ST6GALNAC3: variants seen among roughly 807,000 people sequenced by gnomAD.
ST6GALNAC3 encodes alpha-N-acetylgalactosaminide alpha-2,6-sialyltransferase 3.
In ST6GALNAC3, 25 loss-of-function variants were observed where a neutral mutation model predicts 32.7. That is an observed-to-expected ratio of 0.76 (90% confidence interval 0.56 to 1.07). The LOEUF (loss-of-function observed/expected upper bound fraction) is 1.07, where lower values mean the gene tolerates loss of function less well. Ranked by LOEUF, ST6GALNAC3 falls within the 50% of genes least tolerant of loss-of-function variation. ST6GALNAC3 has a pLI of 0.00. For missense variants in ST6GALNAC3, 355 were observed against 382.4 expected (o/e 0.93, Z 0.60); for synonymous variants, 129 against 133.1 (o/e 0.97, Z 0.21).
At chr1:76,424,175 A>G (rs1429876319) in intron 3 of ST6GALNAC3, among the ~76,000 whole-genome samples, 1 of 151,846 alleles carries the variant, frequency 6.6e-6, no homozygotes, top group Non-Finnish European at 1.5e-5. Flanking sequence ...CATTGAGCAA[A>G]TTTCACTTTT....
intron 1 of ST6GALNAC3, among the ~76,000 whole-genome samples, chr1:76,105,660 A>G (rs1229644485): frequency 6.6e-6 from 1 of 152,184 alleles, no homozygotes; most frequent in South Asian, 2.1e-4. Flanking sequence ...TTTCATTACA[A>G]GTGTGATGAT....
intron 1 of ST6GALNAC3, among the ~76,000 whole-genome samples, chr1:76,224,600 A>G (rs1475575474): frequency 6.6e-6 from 1 of 152,232 alleles, no homozygotes; most frequent in Non-Finnish European, 1.5e-5. Flanking sequence ...AACACAGAGT[A>G]TAACAAATAC....
intron 2 of ST6GALNAC3, among the ~76,000 whole-genome samples, chr1:76,341,406 C>T (rs1647957096): frequency 6.6e-6 from 1 of 152,134 alleles, no homozygotes; most frequent in African/African-American, 2.4e-5. Context: ...AAAATGGCTG[C>T]ATGGTATTCC....
chr1:76,129,110 A>G (rs540012399), intron 1 of ST6GALNAC3, among the ~76,000 whole-genome samples: 5 of 152,210 alleles, frequency 3.3e-5, no homozygotes, highest in East Asian at 1.9e-4. Flanking sequence ...CGTGTCCTAT[A>G]ACATCACCCA....
At chr1:76,095,528 C>G (rs1647115575) in intron 1 of ST6GALNAC3, among the ~76,000 whole-genome samples, 1 of 152,100 alleles carries the variant, frequency 6.6e-6, no homozygotes, top group Non-Finnish European at 1.5e-5. Context: ...AGACTGTTCC[C>G]AAAGTGTGAT....
Position 76,634,056 on chromosome 1 carries a change from G to A in ST6GALNAC3, c.*5250G>A. The A allele has an allele frequency of 3.8e-6, 2 of 527,730 alleles. No individual in the cohort carries two copies. The highest frequency in any genetic ancestry group is 4.8e-6 in the Non-Finnish European group (2 of 413,162). 32.7% of individuals were successfully genotyped at this position (527,730 alleles called of 1,614,324 possible). On this transcript the variant is annotated 3_prime_UTR_variant, in exon 5 of 5. Transcript: ENST00000328299. Reference sequence around the variant, plus strand: ...TTAGTTTTTTTCTTTTTTTTTTTCAGTTAACTACTTGTTTGTTTCTTTTCA... The same window carrying A: ...TTAGTTTTTTTCTTTTTTTTTTTCAATTAACTACTTGTTTGTTTCTTTTCA...
intron 3 of ST6GALNAC3, among the ~76,000 whole-genome samples, chr1:76,526,413 G>A (rs1387245001): frequency 6.6e-6 from 1 of 152,060 alleles, no homozygotes; most frequent in African/African-American, 2.4e-5. Flanking sequence ...ATTCATGCCT[G>A]AAGCTCATTA....
chr1:76,341,682 CTTCT>C lies in ST6GALNAC3; in HGVS notation c.213+27703_213+27706del, dbSNP rs1281081058. On this transcript the variant is annotated intron_variant, in intron 2 of 4. Coordinates refer to ENST00000328299, the MANE Select transcript of ST6GALNAC3 (RefSeq NM_152996.4). ...CTTTCTTTCTTTCTTTCTTTCTTTCCTTCTTTCTTTCTTTCTTTCTTTCCTTCTT... is the reference window on the plus strand; with the variant it reads ...CTTTCTTTCTTTCTTTCTTTCTTTCCTTCTTTCTTTCTTTCTTTCCTTCTT... 1.5e-3 allele frequency among the ~76,000 whole-genome samples: 55 copies of C among 36,046 alleles called. No homozygotes were observed. In the East Asian group the frequency reaches 0.016, roughly 11 times the overall value. 23.6% of individuals were successfully genotyped at this position (36,046 alleles called of 152,430 possible). A position where few individuals can be genotyped will look rare whatever the true frequency, so the allele number is the denominator to read the frequency against.
intron 1 of ST6GALNAC3, among the ~76,000 whole-genome samples, chr1:76,257,014 T>C (rs1657961714): frequency 6.6e-6 from 1 of 152,160 alleles, no homozygotes; most frequent in South Asian, 2.1e-4. Flanking sequence ...AATTTGACAG[T>C]TGTCAGACAG....
At chr1:76,416,123 A>T (rs1014064658) in intron 3 of ST6GALNAC3, among the ~76,000 whole-genome samples, 1 of 151,988 alleles carries the variant, frequency 6.6e-6, no homozygotes, top group African/African-American at 2.4e-5. Context: ...TAATTATGGT[A>T]AACACTTTAA....
chr1:76,108,439 A>G (rs1244175755), intron 1 of ST6GALNAC3, among the ~76,000 whole-genome samples: 5 of 152,148 alleles, frequency 3.3e-5, no homozygotes, highest in African/African-American at 1.2e-4. Flanking sequence ...TTGGTGCACT[A>G]CCTTTCTTGT....
intron 1 of ST6GALNAC3, among the ~76,000 whole-genome samples, chr1:76,257,322 C>T (rs540735850): frequency 5.5e-4 from 84 of 152,124 alleles, no homozygotes; most frequent in Middle Eastern, 3.4e-3. Context: ...ATGACACTGA[C>T]GGGACTTATA....
At chr1:76,382,965 C>T (rs532279841) in intron 2 of ST6GALNAC3, among the ~76,000 whole-genome samples, 6 of 152,080 alleles carry the variant, frequency 3.9e-5, no homozygotes, top group East Asian at 1.9e-4. Flanking sequence ...TACGTTAGAA[C>T]GAAACTGCTG....
At chr1:76,528,914 T>C (rs1663083398) in intron 3 of ST6GALNAC3, among the ~76,000 whole-genome samples, 1 of 150,558 alleles carries the variant, frequency 6.6e-6, no homozygotes, top group Admixed American at 6.7e-5. Context: ...ATCAAGCAGA[T>C]TCTTTTCTGT....
intron 2 of ST6GALNAC3, among the ~76,000 whole-genome samples, chr1:76,391,263 G>A (rs11162141): frequency 0.37 from 56,032 of 151,928 alleles, 11,447 homozygotes; most frequent in East Asian, 0.62. Context: ...AATCTTTTAA[G>A]TGATCAATAT....
intron 3 of ST6GALNAC3, among the ~76,000 whole-genome samples, chr1:76,623,135 T>C (rs1648750362): frequency 6.6e-6 from 1 of 151,924 alleles, no homozygotes; most frequent in Non-Finnish European, 1.5e-5. Flanking sequence ...TAAAGTAGCT[T>C]ATATTTTATT....
chr1:76,220,627 G>A (rs1655711726), intron 1 of ST6GALNAC3, among the ~76,000 whole-genome samples: 1 of 152,132 alleles, frequency 6.6e-6, no homozygotes, highest in Non-Finnish European at 1.5e-5. Flanking sequence ...TGCTGACTTG[G>A]TGGAGGACGC....
chr1:76,101,828 A>G (rs1335744), intron 1 of ST6GALNAC3, among the ~76,000 whole-genome samples: 1 of 152,154 alleles, frequency 6.6e-6, no homozygotes, highest in South Asian at 2.1e-4. Flanking sequence ...GCTTCATTGC[A>G]TTGTGAGGAA....
At chr1:76,123,293 T>G (rs145797729) in intron 1 of ST6GALNAC3, among the ~76,000 whole-genome samples, 3,866 of 150,986 alleles carry the variant, frequency 0.026, 117 homozygotes, top group Admixed American at 0.073. Context: ...ACAGCAGAAT[T>G]GCTTGGACCC....
Sources: allele counts gnomAD v4.1 joint callset (sites outside exome capture counted in the v4.1 genomes callset), GRCh38; gene constraint gnomAD v4.1.1; transcripts MANE v1.5; gene names NCBI Gene and HGNC (gene_info 2026-07-23, HGNC 2026-07-21).